The following WNT11 variants were observed in gnomAD, a reference collection of about 807,000 sequenced individuals.
WNT11 encodes the protein Wnt family member 11, also known as protein Wnt-11.
WNT11 carries 20 observed loss-of-function variants against 35.6 expected under a neutral mutation model. The ratio of observed to expected loss-of-function variants is 0.56; its 90% CI spans 0.40 to 0.82. The LOEUF is 0.82. Ranked by LOEUF, WNT11 falls within the 40% of genes least tolerant of loss-of-function variation. The pLI, the probability that WNT11 is intolerant of heterozygous loss-of-function variation, is 0.00. For missense variants in WNT11, 459 were observed against 504.4 expected (o/e 0.91, Z 0.86); for synonymous variants, 200 against 211.9 (o/e 0.94, Z 0.49).
At chr11:76,198,677 T>A (rs1469931120) in intron 1 of WNT11, among the ~76,000 whole-genome samples, 1 of 152,194 alleles carries the variant, frequency 6.6e-6, no homozygotes, top group East Asian at 1.9e-4. Flanking sequence ...AAGGATGCCC[T>A]AGTCTAATGG....
At chr11:76,199,452 A>G (rs1953339942) in intron 1 of WNT11, among the ~76,000 whole-genome samples, 1 of 151,802 alleles carries the variant, frequency 6.6e-6, no homozygotes, top group East Asian at 1.9e-4. Flanking sequence ...AGTCTGGGTG[A>G]CACAGTGAAA....
chr11:76,186,800 C>T lies in WNT11; in HGVS notation c.*265G>A, dbSNP rs180963786. 9.7e-4 allele frequency: 572 copies of T among 589,850 alleles called. 6 individuals carry two copies. The East Asian group carries it at 0.018, about 19-fold the overall frequency. The allele number at this position is 589,850 out of a possible 1,614,324, so 36.5% of individuals were successfully genotyped here. On this transcript the variant is annotated 3_prime_UTR_variant, in exon 5 of 5. Coordinates refer to ENST00000322563, the MANE Select transcript of WNT11 (RefSeq NM_004626.3). ...CCGATCCCAAGCCCCGCTCCTTACA[C>T]CAGCCTGTGGGCACTCCAGAGCCTC...
intron 1 of WNT11, among the ~76,000 whole-genome samples, chr11:76,205,537 C>G (rs772022325): frequency 6.6e-6 from 1 of 152,228 alleles, no homozygotes; most frequent in South Asian, 2.1e-4. Context: ...TCCAGATTCC[C>G]GCTCTGGTTT....
chr11:76,198,179 C>T (rs58679169), intron 1 of WNT11, among the ~76,000 whole-genome samples: 2,108 of 152,300 alleles, frequency 0.014, 42 homozygotes, highest in African/African-American at 0.046. Flanking sequence ...ACTCCCCTTG[C>T]GACCTTGAGC....
chr11:76,203,438 C>T (rs550718073), intron 1 of WNT11, among the ~76,000 whole-genome samples: 85 of 152,344 alleles, frequency 5.6e-4, no homozygotes, highest in African/African-American at 2.0e-3. Flanking sequence ...TGGGCCTTTC[C>T]TCTCACCCCA....
chr11:76,191,664 C>A lies in WNT11; in HGVS notation c.790G>T (p.Asp264Tyr), dbSNP rs1953186381. ...TRKHLVPKDL[D>Y]IRPVKDSELV... ...TCCGAGTCCTTCACAGGCCGGATATCCAGGTCCTTGGGCACCAGGTGCTTG... is the reference window on the plus strand; with the variant it reads ...TCCGAGTCCTTCACAGGCCGGATATACAGGTCCTTGGGCACCAGGTGCTTG... The change falls in exon 4 of 5, where the codon GAT becomes TAT. Residue 264 changes from aspartate to tyrosine, a missense_variant. Asp to Tyr is a radical substitution (Grantham distance 160, BLOSUM62 -3). Coordinates refer to ENST00000322563, the MANE Select transcript of WNT11 (RefSeq NM_004626.3). 6.2e-7 allele frequency: 1 copy of A among 1,613,944 alleles called. No individual in the cohort carries two copies.
At chr11:76,192,543 T>G (rs1048518887) in intron 3 of WNT11, among the ~76,000 whole-genome samples, 4 of 152,232 alleles carry the variant, frequency 2.6e-5, no homozygotes, top group African/African-American at 9.6e-5. Context: ...ACATAATTCC[T>G]GCCTTGCAGA....
chr11:76,191,516 T>C (rs1172899429), intron 4 of WNT11, 48 bp downstream of exon 4: 1 of 1,577,524 alleles, frequency 6.3e-7, no homozygotes, highest in South Asian at 1.2e-5. Context: ...GGGAACAGTA[T>C]GTGCAACACC....
chr11:76,205,282 C>T lies in WNT11; in HGVS notation c.83+1043G>A, dbSNP rs560123647. On this transcript the variant is annotated intron_variant, in intron 1 of 4. Transcript: ENST00000322563. ...TTCACAAACCCTTTGCAGCGCCCTC[C>T]CCAGCCCCCACAACCTGCCCCCTGC... Among the ~76,000 whole-genome samples the T allele has an allele frequency of 3.3e-5, 5 of 152,260 alleles. No individual in the cohort carries two copies. In the East Asian group the frequency reaches 9.7e-4, roughly 29 times the overall value.
chr11:76,210,499 T>C (rs1038337913), upstream of WNT11: 1 of 985,110 alleles, frequency 1.0e-6, no homozygotes, highest in Non-Finnish European at 1.2e-6. Context: ...AGGCGCGCCC[T>C]GCGTGCCCGG....
chr11:76,208,662 C>T (rs570231290), upstream of WNT11, among the ~76,000 whole-genome samples: 1 of 152,268 alleles, frequency 6.6e-6, no homozygotes, highest in Non-Finnish European at 1.5e-5. Flanking sequence ...AGCGGGGGAT[C>T]TGTGTCCAGC....
intron 4 of WNT11, 76 bp from the exon 5 acceptor site, chr11:76,187,315 G>T: frequency 7.2e-7 from 1 of 1,391,360 alleles, no homozygotes; most frequent in Non-Finnish European, 9.4e-7. Flanking sequence ...TCCCAGCCAG[G>T]CAGCCGGCAG....
rs3740851 is a variant in WNT11 at position 76,194,556 on chromosome 11, T to C, written c.597+11A>G. Reference sequence around the variant, plus strand: ...CACAACTATCTGGGGGTGGGTGGGGTGGGTGGTTACCTGTCTCCCCACTTC... The same window carrying C: ...CACAACTATCTGGGGGTGGGTGGGGCGGGTGGTTACCTGTCTCCCCACTTC... On this transcript the variant is annotated intron_variant, in intron 3 of 4. Transcript: ENST00000322563. This position sits in a 1 kb window ranked among gnomAD's most constrained non-coding sequence, Gnocchi z 5.4. 166 of 595,170 alleles carry C rather than the reference T, an allele frequency of 2.8e-4. 1 individual carries two copies. In the East Asian group the frequency reaches 6.9e-3, roughly 25 times the overall value. 36.9% of individuals were successfully genotyped at this position (595,170 alleles called of 1,614,324 possible).
intron 4 of WNT11, 36 bp downstream of exon 4, chr11:76,191,528 G>A (rs1354834037): frequency 6.3e-7 from 1 of 1,594,826 alleles, no homozygotes; most frequent in East Asian, 2.2e-5. Context: ...TGCAACACCA[G>A]TGACCCTTTC....
chr11:76,209,049 C>A (rs78658690), upstream of WNT11, among the ~76,000 whole-genome samples: 31,606 of 152,076 alleles, frequency 0.21, 3,787 homozygotes, highest in Middle Eastern at 0.27. Context: ...CCTGGGCCCC[C>A]GCTTCTCCGT....
At chr11:76,203,792 C>T (rs1953425536) in intron 1 of WNT11, among the ~76,000 whole-genome samples, 1 of 152,252 alleles carries the variant, frequency 6.6e-6, no homozygotes, top group Non-Finnish European at 1.5e-5. Context: ...AGCTCACTCT[C>T]CAAAGCCCAG....
Position 76,206,331 on chromosome 11 carries a change from T to C in WNT11, c.77A>G (p.Lys26Arg). The C allele has an allele frequency of 6.4e-7, 1 of 1,564,182 alleles. No homozygotes were observed. The highest frequency in any genetic ancestry group is 2.4e-5 in the East Asian group (1 of 40,902). The change falls in exon 1 of 5, where the codon AAG (lysine) becomes AGG (arginine). Residue 26 changes from lysine (K) to arginine (R), a missense_variant. By Grantham distance (26) the Lys-to-Arg change is conservative. Coordinates refer to ENST00000322563, the MANE Select transcript of WNT11 (RefSeq NM_004626.3). ...ALQTGVCYGIKWLALSKTPSA... is the reference protein window; with the variant it reads ...ALQTGVCYGIRWLALSKTPSA... ...ACGCGGGGTCCCTACTCACAGCCAC[T>C]TGATGCCATAGCACACGCCGGTCTG...
rs555197117 is a variant in WNT11 at position 76,199,839 on chromosome 11, C to T, written c.84-3121G>A. Among the ~76,000 whole-genome samples, 16 of 152,216 alleles carry T rather than the reference C, an allele frequency of 1.1e-4. 1 individual carries two copies. In the South Asian group the frequency reaches 1.2e-3, roughly 12 times the overall value. On this transcript the variant is annotated intron_variant, in intron 1 of 4. Transcript: ENST00000322563. Reference sequence around the variant, plus strand: ...AATTCATAGATGAAGCTAAGTCCCCCGCTTGTTGCCCAGCAAGTATTGGAC... The same window carrying T: ...AATTCATAGATGAAGCTAAGTCCCCTGCTTGTTGCCCAGCAAGTATTGGAC...
rs1384880608 is a variant in WNT11, at chr11:76,187,085, C to T, written c.1045G>A (p.Glu349Lys). The part of the protein sequence containing the change: ...VTCRRCERTV[E>K]RYVCK ...GGGCCTCACTTGCAGACATAGCGCTCCACGGTACGCTCACACCTGCGGCAG... is the reference window on the plus strand; with the variant it reads ...GGGCCTCACTTGCAGACATAGCGCTTCACGGTACGCTCACACCTGCGGCAG... Residue 349 changes from glutamate to lysine, a missense_variant, in exon 5 of 5, where the codon GAG becomes AAG. Transcript: ENST00000322563. 5 of 1,611,320 alleles carry T rather than the reference C, an allele frequency of 3.1e-6. No individual in the cohort carries two copies. The East Asian group carries it at 6.7e-5, about 22-fold the overall frequency.
Sources: allele counts gnomAD v4.1 joint callset (sites outside exome capture counted in the v4.1 genomes callset), GRCh38; gene constraint gnomAD v4.1.1; non-coding constraint Gnocchi (gnomAD v3.1); transcripts MANE v1.5; gene names NCBI Gene and HGNC (gene_info 2026-07-23, HGNC 2026-07-21).